Variants in SLC38A10 observed in about 807,000 individuals in gnomAD.
The protein encoded by SLC38A10 is solute carrier family 38 member 10.
A neutral mutation model predicts 81.0 loss-of-function variants in SLC38A10; 53 were observed. The ratio of observed to expected loss-of-function variants is 0.65; its 90% confidence interval spans 0.53 to 0.82. SLC38A10 has a LOEUF of 0.82. Ranked by LOEUF, SLC38A10 falls within the 40% of genes least tolerant of loss-of-function variation. SLC38A10 has a pLI of 0.00. For synonymous variants in SLC38A10, 665 were observed against 655.3 expected, an observed-to-expected ratio of 1.01 and a Z score of -0.23; for missense variants, 1,471 against 1,545.0, an observed-to-expected ratio of 0.95 and a Z score of 0.80.
At chr17:81,290,591 G>A (rs1375611497) in intron 1 of SLC38A10, among the ~76,000 whole-genome samples, 1 of 152,234 alleles carries the variant, frequency 6.6e-6, no homozygotes, top group East Asian at 1.9e-4. Context: ...AGTGTTGCCA[G>A]GGGCTGGGGG....
chr17:81,251,396 G>A (rs769364116), intron 14 of SLC38A10, 97 bp downstream of exon 14: 46 of 1,611,954 alleles, frequency 2.9e-5, no homozygotes, highest in Non-Finnish European at 3.6e-5. Flanking sequence ...GGGCCTGGCA[G>A]GGCTCCCGAG....
At chr17:81,250,081 T>C (rs1355050322) in intron 14 of SLC38A10, 1 of 1,288,578 alleles carries the variant, frequency 7.8e-7, no homozygotes, top group Admixed American at 2.3e-5. Context: ...TGCTACTATC[T>C]TTTTAATTTC....
rs961886125 is a variant in SLC38A10, at chr17:81,288,162, C to G, written c.217+1529G>C. On this transcript the variant is annotated intron_variant, in intron 2 of 15. Transcript: ENST00000374759. The surrounding 1 kb of genome is among the most constrained non-coding windows in gnomAD (Gnocchi z 5.4). ...TGAGGGCCGAAACGAACGCAGGACT[C>G]TCTGTGGCAACATGAAGGGGACTGG... 3.3e-5 allele frequency among the ~76,000 whole-genome samples: 5 copies of G among 152,346 alleles called. No individual in the cohort carries two copies. Among genetic ancestry groups the G allele is most frequent in the African/African-American group, 9.6e-5 (4 of 41,572 alleles).
In SLC38A10 at chr17:81,275,731, C is replaced by CAAA. The variant is rs747992770; in HGVS notation, c.912+235_912+237dup. Among the ~76,000 whole-genome samples the CAAA allele has an allele frequency of 1.6e-3, 174 of 108,218 alleles. 10 individuals are homozygous for CAAA. Among genetic ancestry groups the CAAA allele is most frequent in the African/African-American group, 8.8e-3 (169 of 19,158 alleles). 71.0% of individuals were successfully genotyped at this position (108,218 alleles called of 152,430 possible). A position where few individuals can be genotyped will look rare whatever the true frequency, so the allele number is the denominator to read the frequency against. Reference sequence around the variant, plus strand: ...TGGGCGACAGAGCGAAACTCCGTCTCAAAAAAAAAGAGAACTGTGCAGTGA... The same window carrying CAAA: ...TGGGCGACAGAGCGAAACTCCGTCTCAAAAAAAAAAAAGAGAACTGTGCAGTGA... On this transcript the variant is annotated intron_variant, in intron 8 of 15. Coordinates refer to ENST00000374759, the MANE Select transcript of SLC38A10 (RefSeq NM_001037984.3).
intron 6 of SLC38A10, among the ~76,000 whole-genome samples, chr17:81,278,865 C>A (rs988354448): frequency 1.8e-4 from 28 of 152,134 alleles, no homozygotes; most frequent in South Asian, 4.1e-4. Flanking sequence ...CCCACGCACA[C>A]GGGGTGGCCA....
rs1157986579 is a variant in SLC38A10, at chr17:81,277,120, T to C, written c.640A>G (p.Thr214Ala). 1 of 1,613,858 alleles carries C rather than the reference T, an allele frequency of 6.2e-7. No homozygotes were observed. The highest frequency in any genetic ancestry group is 2.2e-5 in the East Asian group (1 of 44,864). Residue 214 changes from threonine (T) to alanine (A), a missense_variant, in exon 7 of 16, where the codon ACC becomes GCC. Physicochemically the swap from Thr to Ala is moderately conservative, Grantham distance 58 (BLOSUM62 0). This residue lies in a region of SLC38A10 where 720 missense variants were observed against 827.7 expected (regional missense o/e 0.87). Coordinates refer to ENST00000374759, the MANE Select transcript of SLC38A10 (RefSeq NM_001037984.3). This position sits in a 1 kb window ranked among gnomAD's most constrained non-coding sequence, Gnocchi z 4.5. ...SFACQSQVLP[T>A]YDSLDEPSVK... ...GACGGCTCATCCAGGCTGTCGTAGG[T>C]GGGCAGCACCTGGCTGTATAGAAAC...
At chr17:81,290,825 G>A (rs932438249) in intron 1 of SLC38A10, among the ~76,000 whole-genome samples, 2 of 152,080 alleles carry the variant, frequency 1.3e-5, no homozygotes, top group Admixed American at 1.3e-4. Flanking sequence ...GGCCAACATG[G>A]TGAAATCCCA....
intron 15 of SLC38A10, 41 bp downstream of exon 15, chr17:81,246,844 C>A: frequency 6.4e-7 from 1 of 1,550,564 alleles, no homozygotes; most frequent in Non-Finnish European, 8.7e-7. Context: ...AGGAGACCCC[C>A]TGCCTGGCCC....
rs1257421364 is a variant in SLC38A10, at chr17:81,277,621, G to A, written c.627-488C>T. Among the ~76,000 whole-genome samples the A allele has an allele frequency of 6.6e-6, 1 of 152,230 alleles. No individual in the cohort carries two copies. The highest frequency in any genetic ancestry group is 1.5e-5 in the Non-Finnish European group (1 of 68,042). On this transcript the variant is annotated intron_variant, in intron 6 of 15. Transcript: ENST00000374759. The surrounding 1 kb of genome is among the most constrained non-coding windows in gnomAD (Gnocchi z 4.5). Reference sequence around the variant, plus strand: ...GCGGCCTGGGGCGCGATTCCCCACTGCAGCCTCTCACTTGTGTGATGAGAA... The same window carrying A: ...GCGGCCTGGGGCGCGATTCCCCACTACAGCCTCTCACTTGTGTGATGAGAA...
At chr17:81,278,980 C>G (rs2063185247) in intron 6 of SLC38A10, among the ~76,000 whole-genome samples, 1 of 152,214 alleles carries the variant, frequency 6.6e-6, no homozygotes, top group Admixed American at 6.5e-5. Context: ...ACAAAACCTC[C>G]TGGCCACCTG....
Position 81,283,103 on chromosome 17 carries a change from C to T in SLC38A10, c.357+306G>A, listed in dbSNP as rs1271284224. On this transcript the variant is annotated intron_variant, in intron 4 of 15. Coordinates refer to ENST00000374759, the MANE Select transcript of SLC38A10 (RefSeq NM_001037984.3). This position sits in a 1 kb window ranked among gnomAD's most constrained non-coding sequence, Gnocchi z 4.7. ...GGGATGCCTGAGGGCCTGGCCGCCT[C>T]TGCCCTCCAATGGGCAGCCCGGGCT... is the stretch of plus-strand genomic sequence containing the variant. 6.6e-6 allele frequency among the ~76,000 whole-genome samples: 1 copy of T among 152,194 alleles called. No individual in the cohort carries two copies. The highest frequency in any genetic ancestry group is 1.9e-4 in the East Asian group (1 of 5,174).
chr17:81,272,549 CA>C lies in SLC38A10; in HGVS notation c.990del (p.Phe330LeufsTer35), dbSNP rs774640222. On this transcript the variant is annotated frameshift_variant, in exon 9 of 16. Coordinates refer to ENST00000374759, the MANE Select transcript of SLC38A10 (RefSeq NM_001037984.3). LOFTEE classifies it high-confidence loss of function. ...RFKALTLSVV[F>X]GTMVGGILIP... is the part of the protein sequence containing the mutation. ...ATAAGGATGCCACCAACCATGGTTC[CA>C]AACACCACAGAGAGGGTAAGTGCTT... 1.3e-6 allele frequency: 2 copies of C among 1,599,246 alleles called. No individual in the cohort carries two copies. Among genetic ancestry groups the C allele is most frequent in the Non-Finnish European group, 1.7e-6 (2 of 1,173,918 alleles).
intron 8 of SLC38A10, among the ~76,000 whole-genome samples, chr17:81,272,944 A>T (rs1416731967): frequency 6.6e-6 from 1 of 152,054 alleles, no homozygotes; most frequent in Non-Finnish European, 1.5e-5. Context: ...ATACCACGAG[A>T]GTTTTTTAAG....
rs2063229382 is a variant in SLC38A10, at chr17:81,283,049, C to A, written c.357+360G>T. On this transcript the variant is annotated intron_variant, in intron 4 of 15. Coordinates refer to ENST00000374759, the MANE Select transcript of SLC38A10 (RefSeq NM_001037984.3). This position sits in a 1 kb window ranked among gnomAD's most constrained non-coding sequence, Gnocchi z 4.7. ...GCAAGAAGTGCTGAGTCCACAGCCC[C>A]CAGAAGCTCTGGGTGACCATGGAGG... 1.3e-5 allele frequency among the ~76,000 whole-genome samples: 2 copies of A among 152,144 alleles called. No individual in the cohort carries two copies. The highest frequency in any genetic ancestry group is 2.9e-5 in the Non-Finnish European group (2 of 68,030).
intron 12 of SLC38A10, 101 bp from the exon 13 acceptor site, chr17:81,252,784 T>C: frequency 6.8e-7 from 1 of 1,477,916 alleles, no homozygotes. Context: ...CTCCCAACAG[T>C]GTGACACAGG....
In SLC38A10 at chr17:81,252,248, G is replaced by A. The variant is rs61740860; in HGVS notation, c.1892C>T (p.Pro631Leu). The A allele has an allele frequency of 5.5e-4, 851 of 1,556,240 alleles. 2 individuals are homozygous for A. The highest frequency in any genetic ancestry group is 3.5e-3 in the African/African-American group (252 of 72,818). The change falls in exon 13 of 16, where the codon CCG becomes CTG. Residue 631 changes from proline to leucine, a missense_variant. This residue lies in a region of SLC38A10 where 751 missense variants were observed against 717.4 expected (regional missense o/e 1.05). Transcript: ENST00000374759. ...GGGEKAKGGPPPGNAAGDTGQ... is the reference protein window; with the variant it reads ...GGGEKAKGGPLPGNAAGDTGQ... ...TGTGTCCCCGGCGGCGTTGCCTGGC[G>A]GCGGTCCCCCCTTGGCCTTTTCCCC...
At position 81,246,046 on chromosome 17, in the gene SLC38A10, C is replaced by T. The variant is rs1290014645; in HGVS notation, c.2870G>A (p.Arg957His). 7 of 1,609,866 alleles carry T rather than the reference C, an allele frequency of 4.3e-6. No individual in the cohort carries two copies. The highest frequency in any genetic ancestry group is 5.1e-6 in the Non-Finnish European group (6 of 1,179,518). ...AGAGATGACCCGCAGTTCCGGCTGG[C>T]GTAACACAGCCTGGGGCTGTGCAGC... ...GAAAQPQAVL[R>H]QPELRVISDG... Residue 957 changes from arginine (R) to histidine (H), a missense_variant, in exon 16 of 16, where the codon CGC becomes CAC. By Grantham distance (29) the Arg-to-His change is conservative. Around this residue, in one of 2 missense-constraint regions of SLC38A10, gnomAD observed 751 missense variants for 717.4 expected, o/e 1.05. Coordinates refer to ENST00000374759, the MANE Select transcript of SLC38A10 (RefSeq NM_001037984.3).
intron 13 of SLC38A10, 81 bp from the exon 14 acceptor site, chr17:81,251,693 G>A (rs979544707): frequency 1.4e-6 from 2 of 1,397,172 alleles, no homozygotes; most frequent in Admixed American, 3.0e-5. Flanking sequence ...GAAGGCAAGG[G>A]CGGGACAAAA....
intron 10 of SLC38A10, 26 bp from the exon 11 acceptor site, chr17:81,260,420 G>T: frequency 6.3e-7 from 1 of 1,596,246 alleles, no homozygotes; most frequent in Non-Finnish European, 8.5e-7. Context: ...CCCCAGGGGC[G>T]GGAGTCACAG....
Sources: gnomAD v4.1 joint callset for allele counts (sites outside exome capture counted in the v4.1 genomes callset) on GRCh38, gnomAD v4.1.1 for gene constraint, gnomAD v4.1.1 regional missense constraint, Gnocchi (gnomAD v3.1) non-coding constraint, MANE v1.5 for transcripts, NCBI Gene and HGNC (gene_info 2026-07-23, HGNC 2026-07-21) for gene names.